The following SEM1 variants were observed in gnomAD, a reference collection of about 807,000 sequenced individuals.
The protein encoded by SEM1 is 26S proteasome complex subunit SEM1.
SEM1 carries 3 observed loss-of-function variants against 12.7 expected under a neutral mutation model. The observed-to-expected ratio is 0.24, with a 90% CI of 0.11 to 0.61. SEM1 has a LOEUF of 0.61. Among genes scored for constraint, SEM1 ranks in the 20% least tolerant of loss-of-function variants. The probability of loss-of-function intolerance (pLI) is 0.88; values close to 1 mark genes in which losing one functional copy is unlikely to be tolerated. For missense variants in SEM1, 59 were observed against 81.3 expected (o/e 0.73, Z 1.06); for synonymous variants, 30 against 27.8 (o/e 1.08, Z -0.25).
At position 96,709,805 on chromosome 7, in the gene SEM1, G is replaced by C. The variant is rs772274090; in HGVS notation, c.-42C>G. On this transcript the variant is annotated 5_prime_UTR_variant, in exon 1 of 3. Transcript: ENST00000248566. ...CAACACCTCCCAGATAAGCAGAAAA[G>C]TTGGAACCCTCACTCTTCCTCAAGG... is the stretch of plus-strand genomic sequence containing the variant. 1.3e-6 allele frequency: 2 copies of C among 1,596,174 alleles called. No homozygotes were observed. Among genetic ancestry groups the C allele is most frequent in the Admixed American group, 1.7e-5 (1 of 59,838 alleles).
intron 2 of SEM1, among the ~76,000 whole-genome samples, chr7:96,629,883 C>T (rs62470365): frequency 0.12 from 17,948 of 152,236 alleles, 1,178 homozygotes; most frequent in East Asian, 0.15. Context: ...CCTCCAGACT[C>T]ATAGAGGTAC....
intron 2 of SEM1, among the ~76,000 whole-genome samples, chr7:96,509,590 C>A (rs924757195): frequency 3.9e-5 from 6 of 152,110 alleles, no homozygotes; most frequent in Non-Finnish European, 8.8e-5. Context: ...ACAATTTGGA[C>A]ATCCATGTTC....
intron 2 of SEM1, among the ~76,000 whole-genome samples, chr7:96,612,985 A>G (rs1807588971): frequency 6.6e-6 from 1 of 152,226 alleles, no homozygotes; most frequent in South Asian, 2.1e-4. Context: ...AAATGAAGAA[A>G]AGTACAAAAG....
intron 2 of SEM1, among the ~76,000 whole-genome samples, chr7:96,659,692 C>T (rs922306825): frequency 6.6e-6 from 1 of 151,612 alleles, no homozygotes; most frequent in African/African-American, 2.4e-5. Context: ...GTGTATTTTC[C>T]CAGTGAAAAA....
At chr7:96,658,942 C>T (rs757336409) in intron 2 of SEM1, among the ~76,000 whole-genome samples, 1 of 151,928 alleles carries the variant, frequency 6.6e-6, no homozygotes, top group Non-Finnish European at 1.5e-5. Context: ...TTGAAGGGGG[C>T]ACCTTTTTTT....
intron 2 of SEM1, among the ~76,000 whole-genome samples, chr7:96,663,173 T>C (rs374606201): frequency 6.6e-6 from 1 of 151,642 alleles, no homozygotes; most frequent in East Asian, 1.9e-4. Flanking sequence ...GGGAAATACA[T>C]GACATGAGAT....
intron 2 of SEM1, among the ~76,000 whole-genome samples, chr7:96,545,775 A>C (rs1805086529): frequency 6.6e-6 from 1 of 152,056 alleles, no homozygotes; most frequent in African/African-American, 2.4e-5. Flanking sequence ...AATAGGATGG[A>C]TGTTTCCATC....
intron 2 of SEM1, among the ~76,000 whole-genome samples, chr7:96,531,864 A>G (rs1360503789): frequency 6.6e-6 from 1 of 152,130 alleles, no homozygotes; most frequent in Non-Finnish European, 1.5e-5. Flanking sequence ...TGTAAGAATC[A>G]AGGTACTATT....
intron 2 of SEM1, among the ~76,000 whole-genome samples, chr7:96,522,161 A>G (rs1351884559): frequency 6.6e-6 from 1 of 152,132 alleles, no homozygotes; most frequent in Non-Finnish European, 1.5e-5. Context: ...ATCCTGGCAT[A>G]CATCACGTGT....
At chr7:96,631,432 A>ACT (rs544821285) in intron 2 of SEM1, among the ~76,000 whole-genome samples, 34 of 151,026 alleles carry the variant, frequency 2.3e-4, no homozygotes, top group African/African-American at 8.0e-4. Flanking sequence ...TAATTACTGC[A>ACT]CTCTCTCTCT....
intron 2 of SEM1, among the ~76,000 whole-genome samples, chr7:96,545,688 A>T (rs899308332): frequency 6.6e-5 from 10 of 152,074 alleles, no homozygotes; most frequent in African/African-American, 2.4e-4. Context: ...AGCGTTATGC[A>T]TAGAGCCCTG....
At chr7:96,494,006 T>C (rs1195392091) in intron 1 of SEM1, among the ~76,000 whole-genome samples, 5 of 152,192 alleles carry the variant, frequency 3.3e-5, no homozygotes, top group Non-Finnish European at 5.9e-5. Flanking sequence ...TGGACAGATA[T>C]GTGCTTGCTG....
chr7:96,511,345 A>T (rs1803928441), intron 2 of SEM1, among the ~76,000 whole-genome samples: 1 of 152,174 alleles, frequency 6.6e-6, no homozygotes, highest in Admixed American at 6.6e-5. Context: ...TAAAAACAAT[A>T]TAATCAGTTT....
At chr7:96,573,889 A>G (rs1199816010) in intron 2 of SEM1, among the ~76,000 whole-genome samples, 1 of 151,760 alleles carries the variant, frequency 6.6e-6, no homozygotes, top group Non-Finnish European at 1.5e-5. Flanking sequence ...TTTCAAGTAC[A>G]CCAATCAAAC....
intron 1 of SEM1, among the ~76,000 whole-genome samples, chr7:96,698,616 T>G (rs878857439): frequency 2.6e-5 from 4 of 152,230 alleles, no homozygotes; most frequent in Admixed American, 2.0e-4. Context: ...TATGGCTGTA[T>G]AGTATTGCAC....
chr7:96,622,304 A>C (rs1584811873), downstream of SEM1: 2 of 381,022 alleles, frequency 5.2e-6, no homozygotes, highest in Non-Finnish European at 9.5e-6. Flanking sequence ...AATCAGTTCA[A>C]TAAATGCTTG....
chr7:96,579,929 T>A (rs765724414), intron 2 of SEM1, among the ~76,000 whole-genome samples: 7 of 142,488 alleles, frequency 4.9e-5, no homozygotes, highest in African/African-American at 7.6e-5. Context: ...TTTTAAAAAA[T>A]TTAAAACCTA....
intron 2 of SEM1, among the ~76,000 whole-genome samples, chr7:96,662,067 G>A (rs1023714257): frequency 4.6e-5 from 7 of 151,348 alleles, no homozygotes; most frequent in African/African-American, 1.7e-4. Context: ...CTTTTACGCT[G>A]TTGCTGGGAG....
intron 2 of SEM1, among the ~76,000 whole-genome samples, chr7:96,540,296 AT>A (rs967567127): frequency 9.9e-5 from 15 of 151,832 alleles, no homozygotes; most frequent in African/African-American, 3.1e-4. Flanking sequence ...AATCAAGACA[AT>A]GTCGGGTTCA....
Sources: allele counts gnomAD v4.1 joint callset (sites outside exome capture counted in the v4.1 genomes callset), GRCh38; gene constraint gnomAD v4.1.1; transcripts MANE v1.5; gene names NCBI Gene and HGNC (gene_info 2026-07-23, HGNC 2026-07-21).